KIAA0040: variants seen among roughly 807,000 people sequenced by gnomAD.
KIAA0040 encodes KIAA0040.
In KIAA0040, 10 loss-of-function variants were observed where a neutral mutation model predicts 7.2. The ratio of observed to expected loss-of-function variants is 1.38; its 90% confidence interval spans 0.85 to 2.34. The LOEUF is 2.34. Among genes scored for constraint, KIAA0040 ranks in the 30% most tolerant of loss-of-function variants. The pLI is 0.00. For missense variants in KIAA0040, 89 were observed against 108.2 expected (o/e 0.82, Z 0.79); for synonymous variants, 49 against 40.1 (o/e 1.22, Z -0.84).
chr1:175,160,489 G>A lies in KIAA0040; in HGVS notation c.*225C>T. ...GGCATGCCTGGGTCTGCAGTAAGGAGCATTGCTATTGGACACATAGCTGCC... is the reference window on the plus strand; with the variant it reads ...GGCATGCCTGGGTCTGCAGTAAGGAACATTGCTATTGGACACATAGCTGCC... On this transcript the variant is annotated 3_prime_UTR_variant, in exon 4 of 4. Transcript: ENST00000423313. 1 of 540,466 alleles carries A rather than the reference G, an allele frequency of 1.9e-6. No individual in the cohort carries two copies. The highest frequency in any genetic ancestry group is 2.4e-5 in the South Asian group (1 of 41,496). The allele number at this position is 540,466 out of a possible 1,614,324, so 33.5% of individuals were successfully genotyped here.
Position 175,160,955 on chromosome 1 carries a change from TGGTGTTTG to T in KIAA0040, c.51_58del (p.Lys18ArgfsTer57). On this transcript the variant is annotated frameshift_variant, in exon 4 of 4. Coordinates refer to ENST00000423313, the MANE Select transcript of KIAA0040 (RefSeq NM_014656.3). LOFTEE classifies it high-confidence loss of function. Reference sequence around the variant, plus strand: ...GCAGATGGTGTTGTAGATGCCTTCTTGGTGTTTGGTCAAGATGGTGTCCCAGATAGAGC... The same window carrying T: ...GCAGATGGTGTTGTAGATGCCTTCTTGTCAAGATGGTGTCCCAGATAGAGC... The T allele has an allele frequency of 6.4e-7, 1 of 1,551,490 alleles. No individual in the cohort carries two copies. Among genetic ancestry groups the T allele is most frequent in the South Asian group, 1.2e-5 (1 of 84,038 alleles).
At chr1:175,181,720 C>T (rs148659561) in intron 1 of KIAA0040, among the ~76,000 whole-genome samples, 8 of 152,270 alleles carry the variant, frequency 5.3e-5, no homozygotes, top group East Asian at 1.9e-4. Flanking sequence ...AGGAGGGAGA[C>T]GTTAATTCCA....
intron 3 of KIAA0040, among the ~76,000 whole-genome samples, chr1:175,164,750 A>AC (rs1339525931): frequency 6.6e-6 from 1 of 152,188 alleles, no homozygotes; most frequent in South Asian, 2.1e-4. Flanking sequence ...TTTTCTAGGC[A>AC]CCCCCCAGGT....
intron 3 of KIAA0040, among the ~76,000 whole-genome samples, chr1:175,163,343 A>T (rs1161223024): frequency 1.3e-5 from 2 of 152,222 alleles, no homozygotes; most frequent in Non-Finnish European, 2.9e-5. Flanking sequence ...AATAAAAACA[A>T]AGTTCTGCCC....
chr1:175,186,146 T>C (rs1677651798), intron 1 of KIAA0040, among the ~76,000 whole-genome samples: 1 of 152,188 alleles, frequency 6.6e-6, no homozygotes, highest in African/African-American at 2.4e-5. Flanking sequence ...ATGTACTAAA[T>C]GCCACTAAGC....
At chr1:175,188,555 T>A (rs1163472921) in intron 1 of KIAA0040, among the ~76,000 whole-genome samples, 1 of 152,222 alleles carries the variant, frequency 6.6e-6, no homozygotes, top group African/African-American at 2.4e-5. Flanking sequence ...CGATATTGGA[T>A]ATGTAATTTC....
chr1:175,183,419 C>A (rs2101905660), intron 1 of KIAA0040, among the ~76,000 whole-genome samples: 1 of 152,318 alleles, frequency 6.6e-6, no homozygotes, highest in African/African-American at 2.4e-5. Flanking sequence ...AGCCCACATT[C>A]ACTTCTGGCA....
At chr1:175,169,883 A>T (rs2101887246) in intron 2 of KIAA0040, among the ~76,000 whole-genome samples, 1 of 151,844 alleles carries the variant, frequency 6.6e-6, no homozygotes, top group Non-Finnish European at 1.5e-5. Context: ...GTCTTTTCCT[A>T]CTTTCCCTTT....
intron 3 of KIAA0040, among the ~76,000 whole-genome samples, chr1:175,165,204 T>C (rs941026848): frequency 5.9e-5 from 9 of 152,212 alleles, no homozygotes; most frequent in Non-Finnish European, 1.2e-4. Flanking sequence ...GAGGTGACGA[T>C]GGGAAACAGT....
In KIAA0040 at chr1:175,159,526, A is replaced by C. The variant is rs1558385691; in HGVS notation, c.*1188T>G. 6.6e-6 allele frequency: 1 copy of C among 152,234 alleles called. No homozygotes were observed. The highest frequency in any genetic ancestry group is 1.5e-5 in the Non-Finnish European group (1 of 68,040). The allele number at this position is 152,234 out of a possible 1,614,324, so 9.4% of individuals were successfully genotyped here. A position where few individuals can be genotyped will look rare whatever the true frequency, so the allele number is the denominator to read the frequency against. On this transcript the variant is annotated 3_prime_UTR_variant, in exon 4 of 4. Transcript: ENST00000423313. The stretch of plus-strand genomic sequence containing the variant: ...CTGAGCTTCAATATAAATATAAATA[A>C]ACCTCTTTATAGCTTCATCCTACTT...
chr1:175,187,261 C>T (rs563711275), intron 1 of KIAA0040, among the ~76,000 whole-genome samples: 19 of 152,332 alleles, frequency 1.2e-4, no homozygotes, highest in African/African-American at 3.6e-4. Context: ...CTAGCATGCA[C>T]ACTGAAAATC....
intron 1 of KIAA0040, among the ~76,000 whole-genome samples, chr1:175,186,067 T>C (rs1224925818): frequency 2.0e-5 from 3 of 152,188 alleles, no homozygotes; most frequent in Admixed American, 2.0e-4. Context: ...TTAATGGTTA[T>C]GGGTTTTTAT....
In KIAA0040 at chr1:175,176,669, C is replaced by CTTTTTTTTTTTT. The variant is rs34859478; in HGVS notation, c.-310+930_-310+941dup. On this transcript the variant is annotated intron_variant, in intron 2 of 3. Transcript: ENST00000423313. ...ATCCAGTGTCAGGTTAAGTAGCATGCTTTTTTTTTTTTTTTTTTTTTTTTT... is the reference window on the plus strand; with the variant it reads ...ATCCAGTGTCAGGTTAAGTAGCATGCTTTTTTTTTTTTTTTTTTTTTTTTTTTTTTTTTTTTT... 9.1e-3 allele frequency among the ~76,000 whole-genome samples: 249 copies of CTTTTTTTTTTTT among 27,464 alleles called. 94 individuals are homozygous for CTTTTTTTTTTTT. The highest frequency in any genetic ancestry group is 0.019 in the Admixed American group (21 of 1,124). The allele number at this position is 27,464 out of a possible 152,430, so 18.0% of individuals were successfully genotyped here.
chr1:175,169,994 A>T (rs909887416), intron 2 of KIAA0040, among the ~76,000 whole-genome samples: 2 of 152,156 alleles, frequency 1.3e-5, no homozygotes, highest in South Asian at 4.1e-4. Flanking sequence ...TTGTTTGTGC[A>T]CTTATTATCT....
chr1:175,172,432 A>T (rs538996658), intron 2 of KIAA0040, among the ~76,000 whole-genome samples: 1 of 152,240 alleles, frequency 6.6e-6, no homozygotes, highest in Non-Finnish European at 1.5e-5. Context: ...TAAAAAAATT[A>T]GCCAAGTGTG....
intron 1 of KIAA0040, among the ~76,000 whole-genome samples, chr1:175,186,261 G>A (rs1473968367): frequency 1.3e-5 from 2 of 152,174 alleles, no homozygotes; most frequent in Non-Finnish European, 2.9e-5. Flanking sequence ...GATGTCACAT[G>A]GAAAAGAATG....
rs1162326701 is a variant in KIAA0040, at chr1:175,161,085, C to A, written c.-72G>T. On this transcript the variant is annotated 5_prime_UTR_variant, in exon 4 of 4. Transcript: ENST00000423313. Reference sequence around the variant, plus strand: ...AGGTCCTGGGCTCAAAAGGATGCAACCTTGACCACTTGTAATTTATTCCTC... The same window carrying A: ...AGGTCCTGGGCTCAAAAGGATGCAAACTTGACCACTTGTAATTTATTCCTC... 7 of 1,362,946 alleles carry A rather than the reference C, an allele frequency of 5.1e-6. No homozygotes were observed. In the East Asian group the frequency reaches 1.0e-4, roughly 20 times the overall value. 84.4% of individuals were successfully genotyped at this position (1,362,946 alleles called of 1,614,324 possible).
intron 1 of KIAA0040, among the ~76,000 whole-genome samples, chr1:175,190,975 C>G (rs1289030143): frequency 6.6e-6 from 1 of 152,224 alleles, no homozygotes; most frequent in Non-Finnish European, 1.5e-5. Flanking sequence ...CAAGACCCTG[C>G]TCATCCATCA....
intron 1 of KIAA0040, among the ~76,000 whole-genome samples, chr1:175,180,549 T>C (rs560972635): frequency 6.6e-6 from 1 of 152,336 alleles, no homozygotes; most frequent in South Asian, 2.1e-4. Flanking sequence ...GTCAATATTT[T>C]GGGTTTGGAG....
Sources: allele counts gnomAD v4.1 joint callset (sites outside exome capture counted in the v4.1 genomes callset), GRCh38; gene constraint gnomAD v4.1.1; transcripts MANE v1.5; gene names NCBI Gene and HGNC (gene_info 2026-07-23, HGNC 2026-07-21).